LSAMP: variants seen among roughly 807,000 people sequenced by gnomAD.
LSAMP encodes the protein limbic system-associated membrane protein.
A neutral mutation model predicts 38.6 loss-of-function variants in LSAMP; 7 were observed. That is an observed-to-expected ratio of 0.18 (90% CI 0.10 to 0.34). LSAMP has a LOEUF of 0.34. Ranked by LOEUF, LSAMP falls within the 10% of genes least tolerant of loss-of-function variation. The pLI is 1.00. For missense variants in LSAMP, 313 were observed against 420.0 expected (o/e 0.75, Z 2.23); for synonymous variants, 154 against 166.8 (o/e 0.92, Z 0.59).
chr3:116,296,538 C>T (rs1280086221), intron 1 of LSAMP, among the ~76,000 whole-genome samples: 1 of 151,760 alleles, frequency 6.6e-6, no homozygotes, highest in Non-Finnish European at 1.5e-5. Flanking sequence ...AAAAAATTAG[C>T]CGGGCATGGT....
chr3:115,953,435 AC>A (rs1559894812), intron 3 of LSAMP, among the ~76,000 whole-genome samples: 386 of 152,052 alleles, frequency 2.5e-3, no homozygotes, highest in African/African-American at 9.0e-3. Context: ...ACACACACAC[AC>A]ACACACAATG....
At chr3:115,886,259 C>T (rs985868648) in intron 3 of LSAMP, among the ~76,000 whole-genome samples, 2 of 151,906 alleles carry the variant, frequency 1.3e-5, no homozygotes, top group East Asian at 3.9e-4. Flanking sequence ...TCTGGGTACC[C>T]CTAAGCCCAG....
intron 2 of LSAMP, among the ~76,000 whole-genome samples, chr3:116,063,318 T>A (rs1035128574): frequency 2.5e-4 from 38 of 152,326 alleles, no homozygotes; most frequent in African/African-American, 8.4e-4. Context: ...CTTTAACAGT[T>A]AAGCTTGTTG....
chr3:115,831,094 C>T (rs1934593632), intron 6 of LSAMP, among the ~76,000 whole-genome samples: 1 of 152,130 alleles, frequency 6.6e-6, no homozygotes, highest in African/African-American at 2.4e-5. Context: ...CAAACCCAGC[C>T]ATGTGCAATG....
Position 115,994,375 on chromosome 3 carries a change from C to G in LSAMP, c.514+25140G>C, listed in dbSNP as rs539757751. On this transcript the variant is annotated intron_variant, in intron 3 of 6. Transcript: ENST00000490035. Reference sequence around the variant, plus strand: ...GGAGCTCTAGTCATTTTAATAAAAACAGTTACTACTCTCAAAAATGCAACT... The same window carrying G: ...GGAGCTCTAGTCATTTTAATAAAAAGAGTTACTACTCTCAAAAATGCAACT... Among the ~76,000 whole-genome samples the G allele has an allele frequency of 1.1e-4, 17 of 152,150 alleles. No homozygotes were observed. In the East Asian group the frequency reaches 2.5e-3, roughly 23 times the overall value.
At chr3:115,928,201 A>G (rs961919875) in intron 3 of LSAMP, among the ~76,000 whole-genome samples, 1 of 152,166 alleles carries the variant, frequency 6.6e-6, no homozygotes, top group African/African-American at 2.4e-5. Flanking sequence ...AAACCTGGGA[A>G]TCTCTGGTCT....
intron 3 of LSAMP, among the ~76,000 whole-genome samples, chr3:115,965,366 A>G (rs1478002574): frequency 2.0e-5 from 3 of 152,000 alleles, no homozygotes; most frequent in Non-Finnish European, 4.4e-5. Context: ...CAAAATGTAC[A>G]GAAAATATCA....
intron 2 of LSAMP, among the ~76,000 whole-genome samples, chr3:116,020,632 G>C (rs1011891960): frequency 6.6e-6 from 1 of 152,170 alleles, no homozygotes; most frequent in Non-Finnish European, 1.5e-5. Context: ...TCAAGGGCTA[G>C]CTGTACTGCC....
rs546781072 is a variant in LSAMP at position 116,179,106 on chromosome 3, G to C, written c.156-92550C>G. Among the ~76,000 whole-genome samples, 3 of 152,058 alleles carry C rather than the reference G, an allele frequency of 2.0e-5. No homozygotes were observed. In the South Asian group the frequency reaches 6.2e-4, roughly 32 times the overall value. On this transcript the variant is annotated intron_variant, in intron 1 of 6. Coordinates refer to ENST00000490035, the MANE Select transcript of LSAMP (RefSeq NM_002338.5). ...GGATAATCCCTATGATTGTGATGCA[G>C]TTTAAATTTCTCAAGAATATAATCA... is the stretch of plus-strand genomic sequence containing the variant.
intron 1 of LSAMP, among the ~76,000 whole-genome samples, chr3:116,305,563 A>C (rs1236803865): frequency 1.3e-5 from 2 of 152,072 alleles, no homozygotes; most frequent in Non-Finnish European, 2.9e-5. Flanking sequence ...AAAATACAGA[A>C]AGTATGTGCC....
At chr3:116,420,220 C>G (rs2107853602) in intron 1 of LSAMP, among the ~76,000 whole-genome samples, 1 of 152,016 alleles carries the variant, frequency 6.6e-6, no homozygotes, top group Non-Finnish European at 1.5e-5. Context: ...GCCTCAGCCT[C>G]CCAAGTAGCT....
At chr3:116,120,286 T>A (rs1708845919) in intron 1 of LSAMP, among the ~76,000 whole-genome samples, 1 of 152,200 alleles carries the variant, frequency 6.6e-6, no homozygotes, top group Non-Finnish European at 1.5e-5. Context: ...TGAGCTAATT[T>A]ACGGCGTAAG....
intron 3 of LSAMP, among the ~76,000 whole-genome samples, chr3:115,915,526 C>A (rs757155787): frequency 6.6e-6 from 1 of 152,164 alleles, no homozygotes; most frequent in East Asian, 1.9e-4. Context: ...GAATCTGTAA[C>A]TTCTTACTCA....
chr3:116,441,941 T>C (rs2049441445), intron 1 of LSAMP, among the ~76,000 whole-genome samples: 2 of 152,230 alleles, frequency 1.3e-5, no homozygotes, highest in African/African-American at 2.4e-5. Context: ...TAGTTCTTTA[T>C]ATAATTTCTC....
At chr3:116,187,162 C>T (rs1710638255) in intron 1 of LSAMP, among the ~76,000 whole-genome samples, 1 of 152,126 alleles carries the variant, frequency 6.6e-6, no homozygotes, top group East Asian at 1.9e-4. Flanking sequence ...TTTCATATTG[C>T]ACATGGTGCA....
At chr3:116,247,442 A>T (rs772350644) in intron 1 of LSAMP, among the ~76,000 whole-genome samples, 4 of 152,344 alleles carry the variant, frequency 2.6e-5, no homozygotes, top group Non-Finnish European at 5.9e-5. Flanking sequence ...TAATTGATAG[A>T]CTGAAAAAGT....
chr3:116,164,760 A>ATATATATTTT (rs374542146), intron 1 of LSAMP, among the ~76,000 whole-genome samples: 17 of 91,616 alleles, frequency 1.9e-4, no homozygotes, highest in East Asian at 3.1e-4. Context: ...ATATATATAT[A>ATATATATTTT]TTTTTTTTTT....
chr3:116,012,674 C>T (rs941049402), intron 3 of LSAMP, among the ~76,000 whole-genome samples: 4 of 151,850 alleles, frequency 2.6e-5, no homozygotes, highest in Non-Finnish European at 5.9e-5. Flanking sequence ...TTAAAAATCC[C>T]CGTGGTTATT....
At chr3:116,378,715 GT>G (rs1445572022) in intron 1 of LSAMP, among the ~76,000 whole-genome samples, 1 of 151,962 alleles carries the variant, frequency 6.6e-6, no homozygotes, top group Non-Finnish European at 1.5e-5. Context: ...TACATAAATA[GT>G]TATTGCTTAC....
Sources: allele counts gnomAD v4.1 joint callset (sites outside exome capture counted in the v4.1 genomes callset), GRCh38; gene constraint gnomAD v4.1.1; transcripts MANE v1.5; gene names NCBI Gene and HGNC (gene_info 2026-07-23, HGNC 2026-07-21).